Variants in MLLT10 observed in about 807,000 individuals in gnomAD.
MLLT10 encodes the protein MLLT10 histone lysine methyltransferase DOT1L cofactor.
MLLT10 carries 30 observed loss-of-function variants against 129.1 expected under a neutral mutation model. That is an observed-to-expected ratio of 0.23 (90% CI 0.17 to 0.32). The LOEUF (loss-of-function observed/expected upper bound fraction) is 0.32, where lower values mean the gene tolerates loss of function less well. Among genes scored for constraint, MLLT10 ranks in the 10% least tolerant of loss-of-function variants. The pLI is 1.00. For missense variants in MLLT10, 1,119 were observed against 1,268.3 expected (o/e 0.88, Z 1.79); for synonymous variants, 490 against 446.4 (o/e 1.10, Z -1.23).
chr10:21,692,438 G>A (rs1164408613), intron 13 of MLLT10, among the ~76,000 whole-genome samples: 2 of 151,928 alleles, frequency 1.3e-5, no homozygotes, highest in Non-Finnish European at 2.9e-5. Context: ...CCAAATTGCT[G>A]GGATTACAGG....
chr10:21,634,091 C>T (rs61527072), intron 8 of MLLT10, among the ~76,000 whole-genome samples: 4,247 of 152,166 alleles, frequency 0.028, 192 homozygotes, highest in African/African-American at 0.096. Context: ...AATACAAAAA[C>T]TAGCCGAGTG....
At chr10:21,669,034 A>C (rs755405050) in intron 9 of MLLT10, 1 of 1,381,020 alleles carries the variant, frequency 7.2e-7, no homozygotes, top group Non-Finnish European at 9.6e-7. Context: ...CCAGCATGGA[A>C]AAGGTTCATA....
chr10:21,608,674 A>G (rs1056442053), intron 5 of MLLT10, among the ~76,000 whole-genome samples: 3 of 151,846 alleles, frequency 2.0e-5, no homozygotes, highest in Non-Finnish European at 4.4e-5. Context: ...CATTTTTTTC[A>G]GGCTGTTCTT....
rs554112427 is a variant in MLLT10, at chr10:21,662,633, A to G, written c.796-7816A>G. ...CATTAAATTCCTTATCATATTAATT[A>G]TAGATTTCAAAAATTATTGGTCTCA... On this transcript the variant is annotated intron_variant, in intron 9 of 22. Transcript: ENST00000307729. Among the ~76,000 whole-genome samples the G allele has an allele frequency of 6.6e-5, 10 of 152,210 alleles. No homozygotes were observed. In the South Asian group the frequency reaches 1.9e-3, roughly 28 times the overall value.
chr10:21,683,351 G>A (rs894067676), intron 13 of MLLT10, among the ~76,000 whole-genome samples: 1 of 152,136 alleles, frequency 6.6e-6, no homozygotes, highest in African/African-American at 2.4e-5. Flanking sequence ...TCAACACTAG[G>A]TATCTACAGG....
At chr10:21,552,856 C>T (rs938546366) in intron 3 of MLLT10, among the ~76,000 whole-genome samples, 3 of 151,828 alleles carry the variant, frequency 2.0e-5, no homozygotes, top group African/African-American at 7.2e-5. Flanking sequence ...TCTGTTCCTC[C>T]TTGCGCCTTC....
At chr10:21,562,696 C>T (rs1178757014) in intron 3 of MLLT10, among the ~76,000 whole-genome samples, 8 of 151,198 alleles carry the variant, frequency 5.3e-5, no homozygotes, top group African/African-American at 7.3e-5. Flanking sequence ...AATCCAAGAA[C>T]GTGAAATGTC....
intron 8 of MLLT10, chr10:21,625,674 T>G: frequency 1.3e-6 from 1 of 764,612 alleles, no homozygotes; most frequent in Non-Finnish European, 2.5e-6. Context: ...TTTTCTTTAG[T>G]CTTATTCTTC....
At chr10:21,553,146 G>A (rs1450110824) in intron 3 of MLLT10, among the ~76,000 whole-genome samples, 4 of 152,166 alleles carry the variant, frequency 2.6e-5, no homozygotes, top group South Asian at 2.1e-4. Context: ...AGGAAAAGGC[G>A]CATGAGAAAT....
At chr10:21,626,782 G>C (rs1479329302) in intron 8 of MLLT10, among the ~76,000 whole-genome samples, 1 of 152,140 alleles carries the variant, frequency 6.6e-6, no homozygotes, top group Admixed American at 6.5e-5. Context: ...GAGTTACCTG[G>C]TACCTGCCCT....
At position 21,554,750 on chromosome 10, in the gene MLLT10, C is replaced by T. The variant is rs370428012; in HGVS notation, c.240+15838C>T. ...GCTGGGACTACAGGCTCTGAGCCAC[C>T]GGGCCCGGCCCCTTCACTTTAATTT... On this transcript the variant is annotated intron_variant, in intron 3 of 22. Transcript: ENST00000307729. Among the ~76,000 whole-genome samples the T allele has an allele frequency of 4.6e-5, 7 of 151,536 alleles. No homozygotes were observed. The East Asian group carries it at 7.8e-4, about 17-fold the overall frequency.
At chr10:21,741,880 C>G (rs1833694156) in intron 22 of MLLT10, 59 bp from the exon 23 acceptor site, 1 of 1,547,052 alleles carries the variant, frequency 6.5e-7, no homozygotes, top group Non-Finnish European at 8.8e-7. Context: ...GTTTCAAATT[C>G]GGAGAATATT....
intron 10 of MLLT10, 32 bp from the exon 11 acceptor site, chr10:21,673,318 C>CCCTTTTTT: frequency 3.3e-6 from 1 of 307,342 alleles, no homozygotes. Context: ...CACCCCCCAA[C>CCCTTTTTT]TTTTTTTTTT....
At chr10:21,543,189 T>G (rs7901037) in intron 3 of MLLT10, among the ~76,000 whole-genome samples, 2 of 152,084 alleles carry the variant, frequency 1.3e-5, no homozygotes, top group African/African-American at 4.8e-5. Context: ...GGCACAATCT[T>G]GGCTCACCAC....
At chr10:21,609,062 C>G (rs2044339933) in intron 5 of MLLT10, among the ~76,000 whole-genome samples, 1 of 152,090 alleles carries the variant, frequency 6.6e-6, no homozygotes, top group South Asian at 2.1e-4. Context: ...TTTCTGAAGT[C>G]TATTTTTCCA....
intron 8 of MLLT10, among the ~76,000 whole-genome samples, chr10:21,644,807 T>A (rs575548528): frequency 6.6e-6 from 1 of 152,194 alleles, no homozygotes; most frequent in South Asian, 2.1e-4. Flanking sequence ...ATTTTTTTGC[T>A]TTTTGTGGAG....
At position 21,717,592 on chromosome 10, in the gene MLLT10, C is replaced by CTCTTCTTTCTTCCTCT. The variant is rs1554864121; in HGVS notation, c.1878+3648_1878+3663dup. On this transcript the variant is annotated intron_variant, in intron 14 of 22. Coordinates refer to ENST00000307729, the MANE Select transcript of MLLT10 (RefSeq NM_001195626.3). ...CTCTTCCTCTTCTTTCTTCCTCTTC[C>CTCTTCTTTCTTCCTCT]TCTTCTTTCTTCCTCTTCTTCCTCC... Among the ~76,000 whole-genome samples the CTCTTCTTTCTTCCTCT allele has an allele frequency of 1.1e-3, 142 of 124,912 alleles. 1 individual carries two copies. The highest frequency in any genetic ancestry group is 4.1e-3 in the African/African-American group (134 of 33,078). 81.9% of individuals were successfully genotyped at this position (124,912 alleles called of 152,430 possible). A position where few individuals can be genotyped will look rare whatever the true frequency, so the allele number is the denominator to read the frequency against.
At chr10:21,717,722 C>CTCT (rs2056788783) in intron 14 of MLLT10, among the ~76,000 whole-genome samples, 11 of 61,894 alleles carry the variant, frequency 1.8e-4, no homozygotes, top group South Asian at 7.3e-4. Flanking sequence ...CCTCTTCCTC[C>CTCT]TCCTCCTCCT....
At chr10:21,625,132 T>A (rs1489550611) in intron 8 of MLLT10, 1 of 1,048,434 alleles carries the variant, frequency 9.5e-7, no homozygotes. Context: ...CAACCTCTAA[T>A]CGGAAGCGGC....
Sources: gnomAD v4.1 joint callset for allele counts (sites outside exome capture counted in the v4.1 genomes callset) on GRCh38, gnomAD v4.1.1 for gene constraint, MANE v1.5 for transcripts, NCBI Gene and HGNC (gene_info 2026-07-23, HGNC 2026-07-21) for gene names.